C1orf21: variants seen among roughly 807,000 people sequenced by gnomAD.
C1orf21 encodes uncharacterized protein C1orf21.
In C1orf21, 3 loss-of-function variants were observed where a neutral mutation model predicts 18.7. The observed-to-expected ratio is 0.16, with a 90% CI of 0.07 to 0.42. The LOEUF (loss-of-function observed/expected upper bound fraction) is 0.42. Among genes scored for constraint, C1orf21 ranks in the 10% least tolerant of loss-of-function variants. The pLI is 0.99. For missense variants in C1orf21, 104 were observed against 143.6 expected (o/e 0.72, Z 1.41); for synonymous variants, 41 against 46.4 (o/e 0.88, Z 0.47).
Position 184,619,515 on chromosome 1 carries a change from A to G in C1orf21, c.328-3A>G. 1 of 1,612,912 alleles carries G rather than the reference A, an allele frequency of 6.2e-7. No homozygotes were observed. The highest frequency in any genetic ancestry group is 8.5e-7 in the Non-Finnish European group (1 of 1,179,642). On this transcript the variant is annotated splice_polypyrimidine_tract_variant and splice_region_variant and intron_variant, in intron 5 of 5. Transcript: ENST00000235307. ...CATGCTCTTTTTTCTTTTTCCCTCCAAGGGTCGGGATTACTGTTCGGAAGA... is the reference window on the plus strand; with the variant it reads ...CATGCTCTTTTTTCTTTTTCCCTCCGAGGGTCGGGATTACTGTTCGGAAGA...
intron 3 of C1orf21, among the ~76,000 whole-genome samples, chr1:184,544,208 C>T (rs553620381): frequency 7.9e-5 from 12 of 152,320 alleles, no homozygotes; most frequent in Admixed American, 3.3e-4. Flanking sequence ...CACTCCTAGA[C>T]TCAACTTCAG....
At chr1:184,598,141 G>C (rs1659542240) in intron 4 of C1orf21, among the ~76,000 whole-genome samples, 2 of 151,532 alleles carry the variant, frequency 1.3e-5, no homozygotes, top group Admixed American at 1.3e-4. Flanking sequence ...TCAGCTCCTA[G>C]TAACATTACT....
chr1:184,491,930 G>A (rs944382951), intron 2 of C1orf21, among the ~76,000 whole-genome samples: 21 of 152,204 alleles, frequency 1.4e-4, no homozygotes, highest in African/African-American at 4.8e-4. Context: ...ATTCTGAGGC[G>A]TAAAGTCTCT....
Position 184,568,355 on chromosome 1 carries a change from G to A in C1orf21, c.190-22384G>A, listed in dbSNP as rs1367350380. 1.3e-5 allele frequency: 6 copies of A among 455,440 alleles called. No homozygotes were observed. In the Admixed American group the frequency reaches 1.5e-4, roughly 11 times the overall value. The allele number at this position is 455,440 out of a possible 1,614,324, so 28.2% of individuals were successfully genotyped here. On this transcript the variant is annotated intron_variant, in intron 3 of 5. Transcript: ENST00000235307. Reference sequence around the variant, plus strand: ...TTTCATCTTGCAAAACTTAAACTTTGTACCCATTAAACACTAACTCCTCCT... The same window carrying A: ...TTTCATCTTGCAAAACTTAAACTTTATACCCATTAAACACTAACTCCTCCT...
Position 184,619,661 on chromosome 1 carries a change from CAAA to C in C1orf21, c.*107_*109del. On this transcript the variant is annotated 3_prime_UTR_variant, in exon 6 of 6. Transcript: ENST00000235307. Reference sequence around the variant, plus strand: ...TTCTATTCAGCGAACAGCACTATAGCAAAAGAAGATCGTTCCATATTGTACGCC... The same window carrying C: ...TTCTATTCAGCGAACAGCACTATAGCAGAAGATCGTTCCATATTGTACGCC... The C allele has an allele frequency of 9.9e-7, 1 of 1,007,632 alleles. No homozygotes were observed. The highest frequency in any genetic ancestry group is 1.6e-5 in the South Asian group (1 of 62,378). The allele number at this position is 1,007,632 out of a possible 1,614,324, so 62.4% of individuals were successfully genotyped here.
At chr1:184,471,968 A>G (rs1657502712) in intron 1 of C1orf21, among the ~76,000 whole-genome samples, 1 of 152,128 alleles carries the variant, frequency 6.6e-6, no homozygotes, top group Admixed American at 6.5e-5. Flanking sequence ...TTTAACGTTC[A>G]CAATGAAATG....
intron 3 of C1orf21, among the ~76,000 whole-genome samples, chr1:184,524,038 A>G (rs56028124): frequency 0.039 from 5,920 of 152,264 alleles, 165 homozygotes; most frequent in Middle Eastern, 0.099. Flanking sequence ...AGGTAATTTT[A>G]CAAGTTTCAG....
At chr1:184,511,784 C>T (rs953213751) in intron 3 of C1orf21, among the ~76,000 whole-genome samples, 1 of 151,452 alleles carries the variant, frequency 6.6e-6, no homozygotes, top group Non-Finnish European at 1.5e-5. Context: ...GAAAACAAAC[C>T]CGTTCTTGTT....
At chr1:184,495,165 T>C (rs1313761604) in intron 2 of C1orf21, among the ~76,000 whole-genome samples, 1 of 152,218 alleles carries the variant, frequency 6.6e-6, no homozygotes, top group Non-Finnish European at 1.5e-5. Context: ...GTTTCTACTC[T>C]CGCCTCCCTT....
chr1:184,507,465 AACC>A, intron 2 of C1orf21, 120 bp from the exon 3 acceptor site: 1 of 729,192 alleles, frequency 1.4e-6, no homozygotes, highest in Non-Finnish European at 2.2e-6. Context: ...GTTCCAAATG[AACC>A]ACATATGAAG....
At chr1:184,411,589 T>G (rs978396965) in intron 1 of C1orf21, among the ~76,000 whole-genome samples, 1 of 151,780 alleles carries the variant, frequency 6.6e-6, no homozygotes, top group Non-Finnish European at 1.5e-5. Context: ...GCCTGGCTAT[T>G]TTTTTTGTAT....
At chr1:184,507,799 C>T (rs1005808835) in intron 3 of C1orf21, 117 bp downstream of exon 3, 4 of 807,724 alleles carry the variant, frequency 5.0e-6, no homozygotes, top group Non-Finnish European at 7.5e-6. Flanking sequence ...GAAAATGCTG[C>T]AGCTATTTAT....
chr1:184,500,158 G>A (rs954922387), intron 2 of C1orf21, among the ~76,000 whole-genome samples: 3 of 152,142 alleles, frequency 2.0e-5, no homozygotes, highest in African/African-American at 7.2e-5. Context: ...TCCTGCTATA[G>A]AGAGCCTTGG....
At chr1:184,449,223 C>G (rs1013665748) in intron 1 of C1orf21, among the ~76,000 whole-genome samples, 1 of 150,446 alleles carries the variant, frequency 6.6e-6, no homozygotes, top group Admixed American at 6.6e-5. Context: ...CAACAGGCCC[C>G]GGTGTGTGAT....
chr1:184,481,916 G>A (rs1473038320), intron 2 of C1orf21, among the ~76,000 whole-genome samples: 1 of 152,112 alleles, frequency 6.6e-6, no homozygotes, highest in Non-Finnish European at 1.5e-5. Context: ...TAAATATGAC[G>A]AGTTAAGGTC....
intron 1 of C1orf21, among the ~76,000 whole-genome samples, chr1:184,402,222 A>T (rs1378477194): frequency 2.0e-5 from 3 of 152,196 alleles, no homozygotes; most frequent in African/African-American, 7.2e-5. Flanking sequence ...TGGACAGTGC[A>T]GTTGTAGAGA....
At chr1:184,488,516 A>T (rs745714846) in intron 2 of C1orf21, among the ~76,000 whole-genome samples, 4 of 152,252 alleles carry the variant, frequency 2.6e-5, no homozygotes, top group Non-Finnish European at 5.9e-5. Flanking sequence ...AGCTGAAATA[A>T]AAAGATATAC....
intron 3 of C1orf21, among the ~76,000 whole-genome samples, chr1:184,565,860 G>C (rs1571280132): frequency 6.6e-6 from 1 of 152,302 alleles, no homozygotes; most frequent in African/African-American, 2.4e-5. Flanking sequence ...TGGGACTGCA[G>C]ACTATTTATA....
At position 184,622,131 on chromosome 1, in the gene C1orf21, G is replaced by A. The variant is rs1659926165; in HGVS notation, c.*2575G>A. ...GTGTATCTGAACATTAAGCAGATTG[G>A]CTCAGACACAATGAAAAGGATAATC... On this transcript the variant is annotated 3_prime_UTR_variant, in exon 6 of 6. Coordinates refer to ENST00000235307, the MANE Select transcript of C1orf21 (RefSeq NM_030806.4). 1 of 152,128 alleles carries A rather than the reference G, an allele frequency of 6.6e-6. No homozygotes were observed. The highest frequency in any genetic ancestry group is 2.4e-5 in the African/African-American group (1 of 41,412). The allele number at this position is 152,128 out of a possible 1,614,324, so 9.4% of individuals were successfully genotyped here.
Sources: allele counts gnomAD v4.1 joint callset (sites outside exome capture counted in the v4.1 genomes callset), GRCh38; gene constraint gnomAD v4.1.1; transcripts MANE v1.5; gene names NCBI Gene and HGNC (gene_info 2026-07-23, HGNC 2026-07-21).